Variants in ST8SIA1 observed in about 807,000 individuals in gnomAD.
ST8SIA1 encodes the protein ST8 alpha-N-acetyl-neuraminide alpha-2,8-sialyltransferase 1, also known as alpha-N-acetylneuraminide alpha-2,8-sialyltransferase.
ST8SIA1 carries 16 observed loss-of-function variants against 35.9 expected under a neutral mutation model. That is an observed-to-expected ratio of 0.45 (90% CI 0.30 to 0.68). The LOEUF is 0.68. ST8SIA1 is among the 30% of genes least tolerant of loss of function. The pLI is 0.09. For synonymous variants in ST8SIA1, 170 were observed against 169.6 expected (o/e 1.00, Z -0.02); for missense variants, 383 against 453.6 (o/e 0.84, Z 1.41).
At chr12:22,229,657 C>T (rs1865395665) in intron 4 of ST8SIA1, among the ~76,000 whole-genome samples, 4 of 150,964 alleles carry the variant, frequency 2.6e-5, no homozygotes, top group Admixed American at 2.6e-4. Context: ...CAAGGTTATC[C>T]ACCATGATGG....
chr12:22,321,587 T>C (rs1487578296), intron 1 of ST8SIA1, among the ~76,000 whole-genome samples: 1 of 152,212 alleles, frequency 6.6e-6, no homozygotes, highest in East Asian at 1.9e-4. Flanking sequence ...TAAACAAAAC[T>C]GAGCTAAATA....
At chr12:22,250,744 C>T (rs1157884601) in intron 3 of ST8SIA1, 1 of 152,208 alleles carries the variant, frequency 6.6e-6, no homozygotes, top group Admixed American at 6.5e-5. Context: ...TGAGTATCAA[C>T]ACATCAAGGC....
At chr12:22,214,375 AT>A (rs1388119588) in intron 4 of ST8SIA1, among the ~76,000 whole-genome samples, 1 of 152,168 alleles carries the variant, frequency 6.6e-6, no homozygotes, top group Non-Finnish European at 1.5e-5. Flanking sequence ...TATGAAATTG[AT>A]TTCATAGTAG....
chr12:22,325,959 A>G (rs1432673471), intron 1 of ST8SIA1: 6 of 677,186 alleles, frequency 8.9e-6, no homozygotes, highest in Non-Finnish European at 1.3e-5. Context: ...TTCGCATCCC[A>G]GGCAAGACAT....
intron 2 of ST8SIA1, among the ~76,000 whole-genome samples, chr12:22,259,409 TA>T (rs1178609243): frequency 2.0e-5 from 3 of 152,008 alleles, no homozygotes; most frequent in Non-Finnish European, 2.9e-5. Context: ...CAATGAACAA[TA>T]ACAGCACACC....
Position 22,247,506 on chromosome 12 carries a change from TTGAG to T in ST8SIA1, c.584+1496_584+1499del, listed in dbSNP as rs1591833936. ...TTATTTCTTCTTTGTACTTTTCTGT[TTGAG>T]TTATTATAATGAACATACATTTGTG... is the stretch of plus-strand genomic sequence containing the variant. On this transcript the variant is annotated intron_variant, in intron 4 of 4. Coordinates refer to ENST00000396037, the MANE Select transcript of ST8SIA1 (RefSeq NM_003034.4). Among the ~76,000 whole-genome samples, 3 of 152,258 alleles carry T rather than the reference TTGAG, an allele frequency of 2.0e-5. No individual in the cohort carries two copies. The East Asian group carries it at 5.8e-4, about 29-fold the overall frequency.
intron 1 of ST8SIA1, among the ~76,000 whole-genome samples, chr12:22,308,784 C>T (rs1866414598): frequency 6.6e-6 from 1 of 152,100 alleles, no homozygotes; most frequent in Non-Finnish European, 1.5e-5. Context: ...CAAATTTCTC[C>T]TTCTTATAAG....
intron 4 of ST8SIA1, among the ~76,000 whole-genome samples, chr12:22,215,045 A>G (rs1171334028): frequency 6.6e-6 from 1 of 152,136 alleles, no homozygotes; most frequent in African/African-American, 2.4e-5. Flanking sequence ...ATTCCCTGGT[A>G]GTCTGGGTTC....
At chr12:22,284,610 A>T (rs898077301) in intron 2 of ST8SIA1, among the ~76,000 whole-genome samples, 1 of 152,188 alleles carries the variant, frequency 6.6e-6, no homozygotes, top group African/African-American at 2.4e-5. Flanking sequence ...TACATATGCA[A>T]TTAAAAAAAA....
chr12:22,315,207 TA>T (rs919135328), intron 1 of ST8SIA1, among the ~76,000 whole-genome samples: 60 of 146,916 alleles, frequency 4.1e-4, no homozygotes, highest in Middle Eastern at 3.4e-3. Flanking sequence ...TCGTTGAATT[TA>T]AAAAAAAAAA....
chr12:22,304,064 CT>C (rs909558592), intron 1 of ST8SIA1, among the ~76,000 whole-genome samples: 1 of 152,292 alleles, frequency 6.6e-6, no homozygotes, highest in South Asian at 2.1e-4. Flanking sequence ...GTTCTGCCAT[CT>C]TTTTTTCCAC....
chr12:22,238,948 T>C (rs1291298832), intron 4 of ST8SIA1, among the ~76,000 whole-genome samples: 1 of 152,310 alleles, frequency 6.6e-6, no homozygotes, highest in Middle Eastern at 3.4e-3. Context: ...TCAGAAAACA[T>C]TTTCTATTGA....
chr12:22,292,191 C>T (rs1389413523), intron 1 of ST8SIA1, among the ~76,000 whole-genome samples: 1 of 152,126 alleles, frequency 6.6e-6, no homozygotes, highest in African/African-American at 2.4e-5. Flanking sequence ...AATGTTAAAT[C>T]TGCCCTCAAA....
At chr12:22,320,466 T>C (rs569918009) in intron 1 of ST8SIA1, among the ~76,000 whole-genome samples, 1 of 152,160 alleles carries the variant, frequency 6.6e-6, no homozygotes, top group Non-Finnish European at 1.5e-5. Flanking sequence ...CCACAGCCTT[T>C]CCACCCCCAC....
intron 1 of ST8SIA1, among the ~76,000 whole-genome samples, chr12:22,323,113 T>C (rs1866624184): frequency 6.6e-6 from 1 of 152,214 alleles, no homozygotes; most frequent in Non-Finnish European, 1.5e-5. Context: ...AAAGCACGTG[T>C]ACCACTGCAC....
Position 22,334,342 on chromosome 12 carries a change from T to C in ST8SIA1, c.-110A>G, listed in dbSNP as rs929129178. The C allele has an allele frequency of 1.9e-5, 15 of 799,368 alleles. No homozygotes were observed. The South Asian group carries it at 2.6e-4, about 14-fold the overall frequency. 49.5% of individuals were successfully genotyped at this position (799,368 alleles called of 1,614,324 possible). On this transcript the variant is annotated 5_prime_UTR_variant, in exon 1 of 5. Transcript: ENST00000396037. ...CCCCCCATGCACACACACCTTTGGTTCTCTTACTTGCAAACGCACGCACGC... is the reference window on the plus strand; with the variant it reads ...CCCCCCATGCACACACACCTTTGGTCCTCTTACTTGCAAACGCACGCACGC...
chr12:22,245,419 T>C (rs1865588776), intron 4 of ST8SIA1, among the ~76,000 whole-genome samples: 1 of 152,238 alleles, frequency 6.6e-6, no homozygotes, highest in Admixed American at 6.5e-5. Context: ...AAAATGGAAT[T>C]GGTGTACACA....
At chr12:22,303,846 CCACACA>C (rs61596419) in intron 1 of ST8SIA1, among the ~76,000 whole-genome samples, 8,083 of 140,758 alleles carry the variant, frequency 0.057, 348 homozygotes, top group East Asian at 0.24. Context: ...CACCACCCTG[CCACACA>C]CACACACACA....
At chr12:22,324,704 A>C (rs2728829) in intron 1 of ST8SIA1, 1 of 151,972 alleles carries the variant, frequency 6.6e-6, no homozygotes, top group East Asian at 1.9e-4. Context: ...TATCAACCTC[A>C]AGACAGTACA....
Sources: allele counts gnomAD v4.1 joint callset (sites outside exome capture counted in the v4.1 genomes callset), GRCh38; gene constraint gnomAD v4.1.1; transcripts MANE v1.5; gene names NCBI Gene and HGNC (gene_info 2026-07-23, HGNC 2026-07-21).